Variants in TMEM230 observed in about 807,000 individuals in gnomAD.
The protein encoded by TMEM230 is transmembrane protein 230, also known as UPF0414 transmembrane protein C20orf30.
In TMEM230, 10 loss-of-function variants were observed where a neutral mutation model predicts 15.8. That is an observed-to-expected ratio of 0.63 (90% CI 0.39 to 1.07). The LOEUF (loss-of-function observed/expected upper bound fraction) is 1.07, where lower values mean the gene tolerates loss of function less well. TMEM230 is among the 50% of genes least tolerant of loss of function. The pLI is 0.01. For synonymous variants in TMEM230, 67 were observed against 76.9 expected, an observed-to-expected ratio of 0.87 and a Z score of 0.68; for missense variants, 165 against 193.3, an observed-to-expected ratio of 0.85 and a Z score of 0.87.
downstream of TMEM230, among the ~76,000 whole-genome samples, chr20:5,099,642 T>C (rs940372128): frequency 6.6e-6 from 1 of 152,086 alleles, no homozygotes; most frequent in Non-Finnish European, 1.5e-5. Context: ...ACAGCTCCAC[T>C]TGGATATTGA....
At chr20:5,061,553 C>T in the TMEM230 span, among the ~76,000 whole-genome samples, 3 of 152,062 alleles carry the variant, frequency 2.0e-5, no homozygotes, top group Non-Finnish European at 4.4e-5. Flanking sequence ...TGTGTGTGTC[C>T]TCCCTATTTC....
intron 3 of TMEM230, among the ~76,000 whole-genome samples, chr20:5,070,293 T>G (rs979698451): frequency 6.6e-6 from 1 of 152,176 alleles, no homozygotes; most frequent in East Asian, 1.9e-4. Context: ...ATCTTGTATT[T>G]GCATCCAGTT....
intron 3 of TMEM230, among the ~76,000 whole-genome samples, chr20:5,079,032 A>T (rs1299653836): frequency 6.6e-6 from 1 of 152,242 alleles, no homozygotes; most frequent in Non-Finnish European, 1.5e-5. Flanking sequence ...TTGCCCATTT[A>T]TCACATACAA....
At chr20:5,087,457 C>T (rs2089375529) in intron 3 of TMEM230, among the ~76,000 whole-genome samples, 1 of 151,776 alleles carries the variant, frequency 6.6e-6, no homozygotes. Context: ...GCTGGTCCCC[C>T]AGCTAAGGTA....
intron 4 of TMEM230, 127 bp downstream of exon 3, chr20:5,106,061 G>A: frequency 7.2e-7 from 1 of 1,380,812 alleles, no homozygotes; most frequent in Non-Finnish European, 9.5e-7. Context: ...AAAAAAAACA[G>A]ACCACTGGGA....
chr20:5,071,079 G>C (rs1600264748), intron 3 of TMEM230, among the ~76,000 whole-genome samples: 1 of 152,122 alleles, frequency 6.6e-6, no homozygotes, highest in African/African-American at 2.4e-5. Flanking sequence ...GTTGTCCGAG[G>C]GTACTCAATA....
At chr20:5,082,323 C>T (rs1407418443) in intron 3 of TMEM230, among the ~76,000 whole-genome samples, 1 of 152,166 alleles carries the variant, frequency 6.6e-6, no homozygotes, top group Non-Finnish European at 1.5e-5. Context: ...TCACTGCAAC[C>T]TCTGCCTCCC....
chr20:5,098,921 TGA>T (rs1449580130), downstream of TMEM230, among the ~76,000 whole-genome samples: 1 of 152,120 alleles, frequency 6.6e-6, no homozygotes. Context: ...TGGAAAATCT[TGA>T]GAGGTAAGCT....
At chr20:5,066,593 AC>A, downstream of TMEM230, among the ~76,000 whole-genome samples, 1 of 147,948 alleles carries the variant, frequency 6.8e-6, no homozygotes, top group South Asian at 2.1e-4. Context: ...AATAGCTTGA[AC>A]CCGGGGGGCA....
chr20:5,076,599 A>G (rs576863908), intron 3 of TMEM230, among the ~76,000 whole-genome samples: 1 of 149,386 alleles, frequency 6.7e-6, no homozygotes, highest in African/African-American at 2.5e-5. Context: ...ACCAATTTGT[A>G]TTTGTCTGTT....
chr20:5,096,354 G>A (rs1437294107), downstream of TMEM230, among the ~76,000 whole-genome samples: 2 of 152,164 alleles, frequency 1.3e-5, no homozygotes, highest in African/African-American at 2.4e-5. Context: ...GGTAGGAATT[G>A]TTCTATCCCC....
At chr20:5,097,275 C>T (rs978082376), downstream of TMEM230, among the ~76,000 whole-genome samples, 1 of 152,160 alleles carries the variant, frequency 6.6e-6, no homozygotes, top group African/African-American at 2.4e-5. Flanking sequence ...TCTGGTATGA[C>T]CACGTGAAGC....
At chr20:5,096,792 G>A (rs1457593062), downstream of TMEM230, among the ~76,000 whole-genome samples, 1 of 152,174 alleles carries the variant, frequency 6.6e-6, no homozygotes, top group Non-Finnish European at 1.5e-5. Context: ...AAAGGAACAT[G>A]GTGTCCTGGG....
At chr20:5,094,653 G>A (rs1419526963) in intron 3 of TMEM230, among the ~76,000 whole-genome samples, 2 of 137,194 alleles carry the variant, frequency 1.5e-5, no homozygotes, top group Non-Finnish European at 3.0e-5. Context: ...GTTGCAGTGA[G>A]CTGAGATCCC....
chr20:5,104,257 G>C, intron 4 of TMEM230, among the ~76,000 whole-genome samples: 1 of 152,114 alleles, frequency 6.6e-6, no homozygotes, highest in East Asian at 1.9e-4. Context: ...ACAAGGTCTC[G>C]CTATGTTGCG....
intron 3 of TMEM230, among the ~76,000 whole-genome samples, chr20:5,093,532 C>T (rs945909243): frequency 4.7e-5 from 7 of 149,872 alleles, no homozygotes; most frequent in South Asian, 2.1e-4. Flanking sequence ...TGAGCCACTG[C>T]GCCTGATTTA....
chr20:5,112,671 T>A (rs552183953), intron 1 of TMEM230: 971 of 1,387,654 alleles, frequency 7.0e-4, no homozygotes, highest in Non-Finnish European at 8.8e-4. Flanking sequence ...TTACGAGAGT[T>A]CTAAAAGCAT....
At chr20:5,098,679 T>C (rs1375782561), downstream of TMEM230, among the ~76,000 whole-genome samples, 5 of 152,072 alleles carry the variant, frequency 3.3e-5, no homozygotes, top group Non-Finnish European at 7.4e-5. Context: ...AGGTAGGAAG[T>C]TGGTTGATTT....
the TMEM230 span, among the ~76,000 whole-genome samples, chr20:5,059,613 A>G: frequency 6.7e-6 from 1 of 149,282 alleles, no homozygotes; most frequent in Non-Finnish European, 1.5e-5. Flanking sequence ...CCTTGCCTTT[A>G]TTTTATTTTT....
Sources: gnomAD v4.1 joint callset for allele counts (sites outside exome capture counted in the v4.1 genomes callset) on GRCh38, gnomAD v4.1.1 for gene constraint, MANE v1.5 for transcripts, NCBI Gene and HGNC (gene_info 2026-07-23, HGNC 2026-07-21) for gene names.